The following COG5 variants were observed in gnomAD, a reference collection of about 807,000 sequenced individuals.
COG5 encodes component of oligomeric golgi complex 5.
In COG5, 86 loss-of-function variants were observed where a neutral mutation model predicts 110.4. The observed-to-expected ratio is 0.78, with a 90% confidence interval of 0.65 to 0.93. COG5 has a LOEUF of 0.93. Ranked by LOEUF, COG5 falls within the 40% of genes least tolerant of loss-of-function variation. The probability of loss-of-function intolerance (pLI) is 0.00; values close to 1 mark genes in which losing one functional copy is unlikely to be tolerated. For missense variants in COG5, 1,077 were observed against 987.0 expected, an observed-to-expected ratio of 1.09 and a Z score of -1.22; for synonymous variants, 360 against 334.6, an observed-to-expected ratio of 1.08 and a Z score of -0.83.
At chr7:107,465,934 CAG>C (rs1031712840) in intron 6 of COG5, among the ~76,000 whole-genome samples, 3 of 152,076 alleles carry the variant, frequency 2.0e-5, no homozygotes, top group East Asian at 1.9e-4. Flanking sequence ...CAGCACAAAA[CAG>C]GGGACTTGAC....
chr7:107,298,753 T>C (rs1806984565), intron 11 of COG5, among the ~76,000 whole-genome samples: 1 of 152,148 alleles, frequency 6.6e-6, no homozygotes, highest in African/African-American at 2.4e-5. Context: ...CAAGTGCACA[T>C]GGAATATTTA....
At chr7:107,229,460 A>T (rs1355708145) in intron 19 of COG5, among the ~76,000 whole-genome samples, 2 of 152,086 alleles carry the variant, frequency 1.3e-5, no homozygotes, top group African/African-American at 2.4e-5. Flanking sequence ...AAAACAAAAT[A>T]TCTTCTTCTG....
intron 7 of COG5, among the ~76,000 whole-genome samples, chr7:107,405,844 A>AGCT (rs1791794481): frequency 6.6e-6 from 1 of 152,240 alleles, no homozygotes; most frequent in South Asian, 2.1e-4. Context: ...TTATAAAAGA[A>AGCT]GCTTGAGGGT....
intron 3 of COG5, among the ~76,000 whole-genome samples, chr7:107,553,631 GTTTAA>G (rs936551806): frequency 8.5e-5 from 13 of 152,082 alleles, no homozygotes; most frequent in Admixed American, 3.3e-4. Flanking sequence ...ATGAGATGTA[GTTTAA>G]TTTAATCAAG....
intron 7 of COG5, among the ~76,000 whole-genome samples, chr7:107,391,790 C>G (rs1790641952): frequency 6.6e-6 from 1 of 152,058 alleles, no homozygotes; most frequent in Non-Finnish European, 1.5e-5. Context: ...CCCTGAAAGT[C>G]AAATTAATAA....
At chr7:107,505,726 T>C (rs1798944292) in intron 6 of COG5, among the ~76,000 whole-genome samples, 1 of 152,228 alleles carries the variant, frequency 6.6e-6, no homozygotes, top group South Asian at 2.1e-4. Context: ...TGGAAAGATC[T>C]GGGACTCAAG....
chr7:107,499,531 G>A (rs973854070), intron 6 of COG5, among the ~76,000 whole-genome samples: 1 of 151,652 alleles, frequency 6.6e-6, no homozygotes, highest in South Asian at 2.1e-4. Flanking sequence ...TCAGCCTCCT[G>A]AGAAGCTAGG....
At position 107,534,105 on chromosome 7, in the gene COG5, C is replaced by A. The variant is rs181977301; in HGVS notation, c.418-6748G>T. On this transcript the variant is annotated intron_variant, in intron 5 of 21. Transcript: ENST00000297135. ...AAGTAGAAATAAAATCCTTTACAGA[C>A]AAGCAGATGCTGAGAGATTTTATCA... Among the ~76,000 whole-genome samples the A allele has an allele frequency of 1.9e-3, 294 of 151,654 alleles. 11 individuals are homozygous for A. The highest frequency in any genetic ancestry group is 6.7e-3 in the African/African-American group (273 of 40,998).
intron 6 of COG5, among the ~76,000 whole-genome samples, chr7:107,495,585 GAAAA>G (rs200958904): frequency 6.6e-6 from 1 of 150,376 alleles, no homozygotes. Flanking sequence ...GCATGAAAAG[GAAAA>G]AAAAAGTCAA....
intron 6 of COG5, among the ~76,000 whole-genome samples, chr7:107,519,890 C>A (rs1236549271): frequency 6.6e-6 from 1 of 152,128 alleles, no homozygotes; most frequent in Non-Finnish European, 1.5e-5. Context: ...ATGTGAAAAT[C>A]CTCAATAAAA....
At chr7:107,558,259 T>C (rs1319879292) in intron 1 of COG5, 144 bp from the exon 2 acceptor site, 7 of 774,666 alleles carry the variant, frequency 9.0e-6, no homozygotes, top group Admixed American at 2.3e-5. Context: ...TGCTTACTTT[T>C]ATCATGACCC....
chr7:107,547,945 T>C, intron 5 of COG5, 166 bp downstream of exon 5: 1 of 637,128 alleles, frequency 1.6e-6, no homozygotes, highest in East Asian at 2.8e-5. Context: ...TTTAGATTTG[T>C]ATTTTTTGAG....
At chr7:107,290,577 A>T (rs1806082666) in intron 12 of COG5, among the ~76,000 whole-genome samples, 2 of 152,148 alleles carry the variant, frequency 1.3e-5, no homozygotes, top group African/African-American at 4.8e-5. Context: ...AGCCTGTAGA[A>T]CTTTCTTTAG....
chr7:107,344,221 C>G (rs1333496795), intron 10 of COG5, among the ~76,000 whole-genome samples: 1 of 152,312 alleles, frequency 6.6e-6, no homozygotes, highest in East Asian at 1.9e-4. Flanking sequence ...TAGCTACCTT[C>G]ATTGATGATT....
intron 19 of COG5, among the ~76,000 whole-genome samples, chr7:107,223,850 C>G (rs1413246735): frequency 6.6e-6 from 1 of 152,148 alleles, no homozygotes; most frequent in African/African-American, 2.4e-5. Context: ...GGGATCATAC[C>G]TAACTTTTAA....
intron 1 of COG5, chr7:107,563,430 C>T: frequency 2.7e-6 from 1 of 366,308 alleles, no homozygotes. Flanking sequence ...AGAGCTTACA[C>T]TTTTGAAGAG....
chr7:107,236,685 G>T lies in COG5; in HGVS notation c.1856C>A (p.Ser619Ter). Residue 619 changes from serine (S) to a stop codon, truncating the protein, a stop_gained and splice_region_variant, in exon 18 of 22, where the codon TCA becomes TAA. Transcript: ENST00000297135. LOFTEE classifies it high-confidence loss of function. ...ITMHQEDFSGSLSSSGKPDVP... is the reference protein window; with the variant it reads ...ITMHQEDFSG The stretch of plus-strand genomic sequence containing the variant: ...ATCAGGTTTTCCTGAGCTGGATAAT[G>T]ACCTGTAAAAGAAAAAGCAGCCCTT... The T allele has an allele frequency of 6.2e-7, 1 of 1,610,060 alleles. No individual in the cohort carries two copies. The highest frequency in any genetic ancestry group is 1.1e-5 in the South Asian group (1 of 90,934).
chr7:107,388,401 T>C (rs2129055701), intron 7 of COG5, among the ~76,000 whole-genome samples: 1 of 152,310 alleles, frequency 6.6e-6, no homozygotes, highest in East Asian at 1.9e-4. Flanking sequence ...CTGATAATGG[T>C]CCAGCTTATG....
chr7:107,356,900 C>T (rs918093876), intron 10 of COG5, among the ~76,000 whole-genome samples: 1 of 152,014 alleles, frequency 6.6e-6, no homozygotes, highest in African/African-American at 2.4e-5. Flanking sequence ...CTTAAAACTG[C>T]AAAAACTTGT....
Sources: allele counts gnomAD v4.1 joint callset (sites outside exome capture counted in the v4.1 genomes callset), GRCh38; gene constraint gnomAD v4.1.1; transcripts MANE v1.5; gene names NCBI Gene and HGNC (gene_info 2026-07-23, HGNC 2026-07-21).